CSMD1: variants seen among roughly 807,000 people sequenced by gnomAD.
CSMD1 encodes CUB and sushi domain-containing protein 1.
Under a neutral mutation model 417.5 loss-of-function variants are expected in CSMD1, and 213 were observed. The observed-to-expected ratio is 0.51, with a 90% CI of 0.46 to 0.57. CSMD1 has a LOEUF of 0.57. Among genes scored for constraint, CSMD1 ranks in the 20% least tolerant of loss-of-function variants. CSMD1 has a pLI of 0.00. For synonymous variants in CSMD1, 2,862 were observed against 1,736.8 expected (o/e 1.65, Z -16.11); for missense variants, 6,923 against 4,529.7 (o/e 1.53, Z -15.17).
intron 5 of CSMD1, among the ~76,000 whole-genome samples, chr8:3,970,346 T>C (rs555302294): frequency 1.9e-4 from 29 of 152,126 alleles, no homozygotes; most frequent in Non-Finnish European, 3.2e-4. Context: ...CAGCATAAGA[T>C]CGCAGCAGCT....
At chr8:4,001,039 A>G (rs1044044536) in intron 4 of CSMD1, among the ~76,000 whole-genome samples, 5 of 111,732 alleles carry the variant, frequency 4.5e-5, no homozygotes, top group Admixed American at 4.1e-4. Flanking sequence ...AATGTTTCAG[A>G]GGGGAAAATA....
intron 52 of CSMD1, among the ~76,000 whole-genome samples, chr8:3,015,930 C>A (rs749970163): frequency 2.4e-4 from 37 of 152,158 alleles, no homozygotes; most frequent in Non-Finnish European, 4.9e-4. Context: ...CTGCCCCTTG[C>A]ATGCGCCTCC....
intron 1 of CSMD1, among the ~76,000 whole-genome samples, chr8:4,704,411 T>C (rs10503270): frequency 0.73 from 111,242 of 152,114 alleles, 41,278 homozygotes; most frequent in Admixed American, 0.81. Flanking sequence ...TATCTATTGT[T>C]TATGTGGTGT....
chr8:3,002,901 T>C (rs1031565475), intron 52 of CSMD1, among the ~76,000 whole-genome samples: 4 of 152,212 alleles, frequency 2.6e-5, no homozygotes, highest in Admixed American at 6.5e-5. Context: ...AAACAGAGGA[T>C]GTCCTTCAAA....
intron 10 of CSMD1, among the ~76,000 whole-genome samples, chr8:3,518,370 C>T (rs960071995): frequency 6.6e-6 from 1 of 152,104 alleles, no homozygotes; most frequent in Non-Finnish European, 1.5e-5. Flanking sequence ...AAGAAACAAC[C>T]ATTTAATTGT....
At chr8:3,964,336 G>A (rs184373303) in intron 5 of CSMD1, among the ~76,000 whole-genome samples, 116 of 152,262 alleles carry the variant, frequency 7.6e-4, no homozygotes, top group African/African-American at 2.6e-3. Flanking sequence ...GTGTCACCGT[G>A]ACTTATTTGA....
At chr8:3,330,017 G>A (rs1251834234) in intron 23 of CSMD1, among the ~76,000 whole-genome samples, 1 of 152,184 alleles carries the variant, frequency 6.6e-6, no homozygotes, top group East Asian at 1.9e-4. Context: ...TGTTTTGTGT[G>A]GAGGAATGGA....
chr8:3,873,769 C>T (rs1390231447), intron 5 of CSMD1, among the ~76,000 whole-genome samples: 2 of 152,116 alleles, frequency 1.3e-5, no homozygotes, highest in Non-Finnish European at 2.9e-5. Flanking sequence ...ATCAGATGGC[C>T]TGAACCAACG....
At chr8:4,078,118 A>G (rs192699398) in intron 3 of CSMD1, among the ~76,000 whole-genome samples, 7 of 152,198 alleles carry the variant, frequency 4.6e-5, no homozygotes, top group Non-Finnish European at 8.8e-5. Flanking sequence ...ATTTACATGG[A>G]AAGTGCTATA....
intron 3 of CSMD1, among the ~76,000 whole-genome samples, chr8:4,062,733 TC>T (rs1799041805): frequency 6.8e-6 from 1 of 147,648 alleles, no homozygotes; most frequent in East Asian, 2.0e-4. Flanking sequence ...ATTATCAAAT[TC>T]AAAAAAAAAA....
chr8:4,329,596 C>G (rs1475725682), intron 3 of CSMD1, among the ~76,000 whole-genome samples: 2 of 152,086 alleles, frequency 1.3e-5, no homozygotes, highest in East Asian at 1.9e-4. Flanking sequence ...CCAAAAAATA[C>G]TTATTTTTCT....
Position 3,296,255 on chromosome 8 carries a change from G to A in CSMD1, c.3950+11440C>T, listed in dbSNP as rs117700149. The stretch of plus-strand genomic sequence containing the variant: ...CTTGAAGGAGTTAAGGGTGTTTGTC[G>A]CATCCTGTGAGACGTAAGAATTCAG... On this transcript the variant is annotated intron_variant, in intron 25 of 69. Transcript: ENST00000635120. Among the ~76,000 whole-genome samples the A allele has an allele frequency of 4.4e-3, 665 of 151,664 alleles. 14 individuals carry two copies. The highest frequency in any genetic ancestry group is 0.039 in the East Asian group (198 of 5,080).
intron 50 of CSMD1, among the ~76,000 whole-genome samples, chr8:3,029,756 G>A (rs905167396): frequency 6.6e-6 from 1 of 151,976 alleles, no homozygotes; most frequent in Non-Finnish European, 1.5e-5. Flanking sequence ...AGACTGAACT[G>A]TAAAGGGGGT....
In CSMD1 at chr8:4,166,109, G is replaced by C. The variant is rs183104356; in HGVS notation, c.416-134010C>G. The stretch of plus-strand genomic sequence containing the variant: ...ACATTCTTAATGATGAGGTCATAGA[G>C]CAGCACTGTCTGATGCAAACATAAT... On this transcript the variant is annotated intron_variant, in intron 3 of 69. Coordinates refer to ENST00000635120, the MANE Select transcript of CSMD1 (RefSeq NM_033225.6). Among the ~76,000 whole-genome samples the C allele has an allele frequency of 1.0e-3, 155 of 152,258 alleles. 1 individual carries two copies. The highest frequency in any genetic ancestry group is 3.6e-3 in the African/African-American group (149 of 41,540).
intron 52 of CSMD1, among the ~76,000 whole-genome samples, chr8:3,005,225 T>G (rs535251031): frequency 6.6e-6 from 1 of 152,306 alleles, no homozygotes; most frequent in South Asian, 2.1e-4. Context: ...GTACCCTGGG[T>G]GGGACCCAGG....
chr8:3,239,253 A>G (rs1451322221), intron 26 of CSMD1, among the ~76,000 whole-genome samples: 1 of 152,200 alleles, frequency 6.6e-6, no homozygotes, highest in Non-Finnish European at 1.5e-5. Flanking sequence ...AGAGCCTGAA[A>G]AAATGCTTGG....
At chr8:4,383,925 C>G (rs990177410) in intron 3 of CSMD1, among the ~76,000 whole-genome samples, 4 of 151,800 alleles carry the variant, frequency 2.6e-5, no homozygotes. Flanking sequence ...AATATGATAC[C>G]GTGAAGAAAA....
At chr8:3,713,748 C>A (rs1801661743) in intron 6 of CSMD1, among the ~76,000 whole-genome samples, 1 of 152,126 alleles carries the variant, frequency 6.6e-6, no homozygotes, top group Non-Finnish European at 1.5e-5. Flanking sequence ...GAGGAGATGC[C>A]ATTGCAAATC....
In CSMD1 at chr8:4,694,111, C is replaced by T. The variant is rs370574069; in HGVS notation, c.86-56553G>A. Among the ~76,000 whole-genome samples, 47 of 152,262 alleles carry T rather than the reference C, an allele frequency of 3.1e-4. No individual in the cohort carries two copies. The South Asian group carries it at 5.0e-3, about 16-fold the overall frequency. On this transcript the variant is annotated intron_variant, in intron 1 of 69. Transcript: ENST00000635120. ...ACAGCTTCTAAGATAAAAATTGCTACGTACCTCCCTCACGATTTGTCCACG... is the reference window on the plus strand; with the variant it reads ...ACAGCTTCTAAGATAAAAATTGCTATGTACCTCCCTCACGATTTGTCCACG...
Sources: gnomAD v4.1 joint callset for allele counts (sites outside exome capture counted in the v4.1 genomes callset) on GRCh38, gnomAD v4.1.1 for gene constraint, MANE v1.5 for transcripts, NCBI Gene and HGNC (gene_info 2026-07-23, HGNC 2026-07-21) for gene names.